CENPN: variants seen among roughly 807,000 people sequenced by gnomAD.
The protein encoded by CENPN is centromere protein N, also known as interphase centromere complex protein 32.
In CENPN, 36 loss-of-function variants were observed where a neutral mutation model predicts 48.6. The ratio of observed to expected loss-of-function variants is 0.74; its 90% CI spans 0.57 to 0.98. CENPN has a LOEUF of 0.98. Among genes scored for constraint, CENPN ranks in the 50% least tolerant of loss-of-function variants. The probability of loss-of-function intolerance (pLI) is 0.00; values close to 1 mark genes in which losing one functional copy is unlikely to be tolerated. For synonymous variants in CENPN, 166 were observed against 135.2 expected (o/e 1.23, Z -1.58); for missense variants, 439 against 399.2 (o/e 1.10, Z -0.85).
At chr16:81,013,080 T>C (rs1969804901) in intron 2 of CENPN, among the ~76,000 whole-genome samples, 2 of 152,308 alleles carry the variant, frequency 1.3e-5, no homozygotes, top group South Asian at 4.1e-4. Flanking sequence ...TGTGTACTAA[T>C]GTTCACAGCA....
intron 7 of CENPN, chr16:81,023,203 G>T: frequency 7.2e-6 from 2 of 279,622 alleles, no homozygotes; most frequent in Non-Finnish European, 1.4e-5. Context: ...ACAGATGCAG[G>T]GGTGTTTTTT....
At chr16:81,023,090 G>A in intron 7 of CENPN, 1 of 396,168 alleles carries the variant, frequency 2.5e-6, no homozygotes, top group South Asian at 2.6e-5. Context: ...TACAGGCACT[G>A]GAATTAAAGG....
In CENPN at chr16:81,024,646, T is replaced by TA. The variant is rs906482599; in HGVS notation, c.634-59dup. The stretch of plus-strand genomic sequence containing the variant: ...AAACATTTGACATACTTTAATATAC[T>TA]AAAAAAAAAATTAATATCTGTACTT... On this transcript the variant is annotated intron_variant, in intron 7 of 10. Transcript: ENST00000305850. 5.4e-3 allele frequency: 5,133 copies of TA among 952,178 alleles called. 10 individuals carry two copies. Among genetic ancestry groups the TA allele is most frequent in the Admixed American group, 0.025 (1,026 of 40,514 alleles). The allele number at this position is 952,178 out of a possible 1,614,324, so 59.0% of individuals were successfully genotyped here. A position where few individuals can be genotyped will look rare whatever the true frequency, so the allele number is the denominator to read the frequency against.
chr16:81,017,253 T>C, intron 3 of CENPN, 73 bp from the exon 4 acceptor site: 1 of 984,472 alleles, frequency 1.0e-6, no homozygotes, highest in Non-Finnish European at 1.6e-6. Context: ...TTTTAAAGTA[T>C]AGAAATATCT....
Position 81,030,490 on chromosome 16 carries a change from T to C in CENPN, c.*1839T>C, listed in dbSNP as rs1327294598. ...TGGGCCGGGTGTAGTGGCTCACGCCTGTAATCCTAGCACTTTGGGAAGCCG... is the reference window on the plus strand; with the variant it reads ...TGGGCCGGGTGTAGTGGCTCACGCCCGTAATCCTAGCACTTTGGGAAGCCG... On this transcript the variant is annotated 3_prime_UTR_variant, in exon 11 of 11. Transcript: ENST00000305850. 2 of 784,562 alleles carry C rather than the reference T, an allele frequency of 2.5e-6. No homozygotes were observed. The highest frequency in any genetic ancestry group is 3.1e-6 in the Non-Finnish European group (2 of 646,874). 48.6% of individuals were successfully genotyped at this position (784,562 alleles called of 1,614,324 possible). A position where few individuals can be genotyped will look rare whatever the true frequency, so the allele number is the denominator to read the frequency against.
At chr16:81,014,483 A>G (rs1046681082) in intron 3 of CENPN, 5 of 332,682 alleles carry the variant, frequency 1.5e-5, no homozygotes, top group Non-Finnish European at 2.8e-5. Flanking sequence ...TCCTCCTACC[A>G]AAGTGCTGGG....
chr16:81,017,001 C>T (rs1425479581), intron 3 of CENPN: 3 of 268,850 alleles, frequency 1.1e-5, no homozygotes, highest in African/African-American at 7.1e-5. Context: ...CTGTGGGGCA[C>T]AGCATTCCCT....
At chr16:81,023,256 T>C (rs977926371) in intron 7 of CENPN, 4 of 224,672 alleles carry the variant, frequency 1.8e-5, no homozygotes, top group Non-Finnish European at 3.5e-5. Context: ...TTGACACTCC[T>C]GTGAGTGGAT....
chr16:81,020,456 A>C, intron 6 of CENPN, 180 bp downstream of exon 6: 1 of 511,810 alleles, frequency 2.0e-6, no homozygotes, highest in East Asian at 3.4e-5. Context: ...CCACGAGTCC[A>C]AGGCTGCCGT....
chr16:81,017,988 A>G (rs1970004065), intron 5 of CENPN, among the ~76,000 whole-genome samples, 154 bp downstream of exon 5: 1 of 152,036 alleles, frequency 6.6e-6, no homozygotes, highest in African/African-American at 2.4e-5. Context: ...CACTGTAAAT[A>G]TTATGAAAAC....
rs1046136332 is a variant in CENPN at position 81,028,858 on chromosome 16, C to T, written c.*207C>T. ...TCTCTGATATCCTGCTAACTGTAGC[C>T]GTTGTGGCATTTGAGATGACAGGAC... On this transcript the variant is annotated 3_prime_UTR_variant, in exon 11 of 11. Coordinates refer to ENST00000305850, the MANE Select transcript of CENPN (RefSeq NM_001100624.3). 56 of 1,321,402 alleles carry T rather than the reference C, an allele frequency of 4.2e-5. No homozygotes were observed. Among genetic ancestry groups the T allele is most frequent in the African/African-American group, 1.2e-4 (8 of 65,736 alleles). The allele number at this position is 1,321,402 out of a possible 1,614,324, so 81.9% of individuals were successfully genotyped here. A position where few individuals can be genotyped will look rare whatever the true frequency, so the allele number is the denominator to read the frequency against.
Position 81,029,194 on chromosome 16 carries a change from G to A in CENPN, c.*543G>A, listed in dbSNP as rs1970655753. Reference sequence around the variant, plus strand: ...AAGAGGTTGCATATTTGGTGAGTCAGTTATATAAAATAGTGTTCTTATTGT... The same window carrying A: ...AAGAGGTTGCATATTTGGTGAGTCAATTATATAAAATAGTGTTCTTATTGT... On this transcript the variant is annotated 3_prime_UTR_variant, in exon 11 of 11. Coordinates refer to ENST00000305850, the MANE Select transcript of CENPN (RefSeq NM_001100624.3). 1.0e-6 allele frequency: 1 copy of A among 964,620 alleles called. No individual in the cohort carries two copies. Among genetic ancestry groups the A allele is most frequent in the African/African-American group, 1.8e-5 (1 of 56,736 alleles). 59.8% of individuals were successfully genotyped at this position (964,620 alleles called of 1,614,324 possible). A position where few individuals can be genotyped will look rare whatever the true frequency, so the allele number is the denominator to read the frequency against.
chr16:81,024,728 A>C lies in CENPN; in HGVS notation c.647A>C (p.His216Pro). ...FKQYNQTFET[H>P]NSTTPLQERS... ...TTTTTTCCCTAGACCTTTGAAACTC[A>C]CAACTCTACGACACCTCTACAGGAA... is the stretch of plus-strand genomic sequence containing the variant. The change falls in exon 8 of 11, where the codon CAC becomes CCC. Residue 216 changes from histidine (H) to proline (P), a missense_variant. Coordinates refer to ENST00000305850, the MANE Select transcript of CENPN (RefSeq NM_001100624.3). 6.2e-7 allele frequency: 1 copy of C among 1,609,670 alleles called. No homozygotes were observed. The highest frequency in any genetic ancestry group is 2.2e-5 in the East Asian group (1 of 44,736).
At chr16:81,026,486 ATTCCT>A (rs1230568635) in intron 8 of CENPN, 35 bp from the exon 9 acceptor site, 2 of 965,936 alleles carry the variant, frequency 2.1e-6, no homozygotes, top group Non-Finnish European at 3.2e-6. Flanking sequence ...GATGAAATAT[ATTCCT>A]AACGGCTGTT....
Position 81,020,276 on chromosome 16 carries a change from G to C in CENPN, c.531G>C (p.Gln177His), listed in dbSNP as rs779754117. The C allele has an allele frequency of 2.5e-6, 4 of 1,604,362 alleles. No individual in the cohort carries two copies. The Admixed American group carries it at 5.3e-5, about 21-fold the overall frequency. ...MLRRNTPLLG[Q>H]ALTIASKHHQ... ...GGCGCAATACACCGCTTCTGGGTCA[G>C]GTATGGAAAAAATTATTACAAGCTA... The change falls in exon 6 of 11, where the codon CAG (glutamine) becomes CAC (histidine). Residue 177 changes from glutamine to histidine, a missense_variant and splice_region_variant. Physicochemically the swap from Gln to His is conservative, Grantham distance 24. Coordinates refer to ENST00000305850, the MANE Select transcript of CENPN (RefSeq NM_001100624.3).
chr16:81,008,270 G>C (rs1420611074), intron 1 of CENPN, among the ~76,000 whole-genome samples: 2 of 152,176 alleles, frequency 1.3e-5, no homozygotes, highest in Admixed American at 1.3e-4. Context: ...CTTTTTAAAA[G>C]ATGCTAAATC....
chr16:81,017,345 C>T lies in CENPN; in HGVS notation c.237C>T (p.His79=), dbSNP rs751378474. 25 of 1,597,808 alleles carry T rather than the reference C, an allele frequency of 1.6e-5. No individual in the cohort carries two copies. In the East Asian group the frequency reaches 5.4e-4, roughly 34 times the overall value. ...TCTCAGATATGCAATTTCATCAGCA[C>T]CAGAAAGTTTGGGAAGTTTTTCAGA... ...LDIIYMQFHQ[H]QKVWEVFQMS... is the part of the protein sequence containing the mutation. Residue 79 remains histidine (H), a synonymous_variant, in exon 4 of 11, where the codon CAC becomes CAT. Coordinates refer to ENST00000305850, the MANE Select transcript of CENPN (RefSeq NM_001100624.3).
downstream of CENPN, among the ~76,000 whole-genome samples, chr16:81,031,855 G>C (rs908433876): frequency 6.6e-6 from 1 of 152,004 alleles, no homozygotes; most frequent in Non-Finnish European, 1.5e-5. Flanking sequence ...CTGCCGCCTC[G>C]GCCTCCCAAA....
intron 1 of CENPN, among the ~76,000 whole-genome samples, chr16:81,007,944 TAAAAATAC>T (rs571885469): frequency 2.6e-5 from 4 of 151,982 alleles, no homozygotes; most frequent in Non-Finnish European, 4.4e-5. Context: ...CCGTCTCTAC[TAAAAATAC>T]AAAAATTAAC....
Sources: gnomAD v4.1 joint callset for allele counts (sites outside exome capture counted in the v4.1 genomes callset) on GRCh38, gnomAD v4.1.1 for gene constraint, MANE v1.5 for transcripts, NCBI Gene and HGNC (gene_info 2026-07-23, HGNC 2026-07-21) for gene names.